CHST9: variants seen among roughly 807,000 people sequenced by gnomAD.
The protein encoded by CHST9 is GalNAc-4-sulfotransferase 2.
Under a neutral mutation model 44.4 loss-of-function variants are expected in CHST9, and 41 were observed. The observed-to-expected ratio is 0.92, with a 90% confidence interval of 0.72 to 1.20. The LOEUF is 1.20. CHST9 is among the 50% of genes most tolerant of loss of function. CHST9 has a pLI of 0.00. For synonymous variants in CHST9, 171 were observed against 178.4 expected (o/e 0.96, Z 0.33); for missense variants, 504 against 516.5 (o/e 0.98, Z 0.23).
chr18:27,160,692 C>G (rs954624198), intron 1 of CHST9, among the ~76,000 whole-genome samples: 11 of 152,164 alleles, frequency 7.2e-5, no homozygotes, highest in African/African-American at 2.7e-4. Context: ...ATGGTACGAG[C>G]TCCTCCTTGT....
intron 3 of CHST9, among the ~76,000 whole-genome samples, chr18:27,028,284 T>A (rs1211047704): frequency 6.6e-6 from 1 of 152,178 alleles, no homozygotes; most frequent in Non-Finnish European, 1.5e-5. Context: ...GAAATAGCAG[T>A]TCTCTTCTAC....
Position 26,909,159 on chromosome 18 carries a change from T to G in CHST9, c.*7100A>C, listed in dbSNP as rs1386833644. ...CTTGGCAGACTTCGGACGCCAAGTT[T>G]CTGCTTCAGTGCTGGTCAAAATCCC... On this transcript the variant is annotated 3_prime_UTR_variant, in exon 6 of 6. Transcript: ENST00000618847. 2 of 152,266 alleles carry G rather than the reference T, an allele frequency of 1.3e-5. No homozygotes were observed. The highest frequency in any genetic ancestry group is 4.8e-5 in the African/African-American group (2 of 41,474). The allele number at this position is 152,266 out of a possible 1,614,324, so 9.4% of individuals were successfully genotyped here. A position where few individuals can be genotyped will look rare whatever the true frequency, so the allele number is the denominator to read the frequency against.
intron 2 of CHST9, among the ~76,000 whole-genome samples, chr18:27,101,574 C>T (rs1191050388): frequency 1.3e-5 from 2 of 151,716 alleles, no homozygotes; most frequent in Non-Finnish European, 2.9e-5. Flanking sequence ...TGCGCCACTG[C>T]AGTCCGGCCT....
chr18:27,163,914 G>A (rs946112796), intron 1 of CHST9, among the ~76,000 whole-genome samples: 1 of 152,146 alleles, frequency 6.6e-6, no homozygotes, highest in Non-Finnish European at 1.5e-5. Flanking sequence ...CTCATGCTGG[G>A]AGCTGTAGAC....
At chr18:26,943,946 C>T (rs141073707) in intron 5 of CHST9, among the ~76,000 whole-genome samples, 23 of 152,112 alleles carry the variant, frequency 1.5e-4, no homozygotes, top group African/African-American at 3.9e-4. Context: ...GCTGATTGAA[C>T]GAAAACCTGA....
At chr18:27,120,153 A>G (rs2143806357) in intron 2 of CHST9, among the ~76,000 whole-genome samples, 1 of 152,300 alleles carries the variant, frequency 6.6e-6, no homozygotes, top group African/African-American at 2.4e-5. Context: ...CCAATGATGA[A>G]ACCGTGCATT....
intron 1 of CHST9, among the ~76,000 whole-genome samples, chr18:27,170,143 T>A (rs978530541): frequency 2.0e-5 from 3 of 152,166 alleles, no homozygotes; most frequent in African/African-American, 7.2e-5. Context: ...AATGCTAAAT[T>A]CCCTTTTATT....
intron 4 of CHST9, among the ~76,000 whole-genome samples, chr18:26,945,868 A>G (rs1298808446): frequency 2.6e-5 from 4 of 152,228 alleles, no homozygotes; most frequent in Middle Eastern, 3.2e-3. Flanking sequence ...AGATGTCCCA[A>G]GTGAAACTTA....
At chr18:27,000,649 T>TATCTATC (rs1391199695) in intron 4 of CHST9, among the ~76,000 whole-genome samples, 55 of 151,594 alleles carry the variant, frequency 3.6e-4, no homozygotes, top group Non-Finnish European at 6.2e-4. Flanking sequence ...TCTATCTATC[T>TATCTATC]ATCTATCTCT....
intron 4 of CHST9, among the ~76,000 whole-genome samples, chr18:26,994,182 CATATACATTTT>C (rs1225918984): frequency 6.6e-6 from 1 of 152,198 alleles, no homozygotes; most frequent in African/African-American, 2.4e-5. Flanking sequence ...AGGAATTCAA[CATATACATTTT>C]GAGGGCACAC....
chr18:27,047,440 A>C (rs1002857313), intron 3 of CHST9, among the ~76,000 whole-genome samples: 2 of 144,126 alleles, frequency 1.4e-5, no homozygotes, highest in Non-Finnish European at 3.1e-5. Context: ...AGGCTTTAAA[A>C]GGTTCCCAGA....
chr18:27,055,664 A>T (rs1195931474), intron 2 of CHST9, among the ~76,000 whole-genome samples: 2 of 152,222 alleles, frequency 1.3e-5, no homozygotes, highest in African/African-American at 4.8e-5. Flanking sequence ...TTTCAAAATT[A>T]GTGCTGTCTT....
chr18:27,066,787 T>C (rs1279479272), intron 2 of CHST9, among the ~76,000 whole-genome samples: 1 of 152,216 alleles, frequency 6.6e-6, no homozygotes, highest in Non-Finnish European at 1.5e-5. Context: ...TTTTAACTTC[T>C]TACATGTATT....
At position 27,099,629 on chromosome 18, in the gene CHST9, CA is replaced by C. The variant is rs547862886; in HGVS notation, c.121+43059del. 1.6e-4 allele frequency among the ~76,000 whole-genome samples: 25 copies of C among 152,162 alleles called. No homozygotes were observed. In the South Asian group the frequency reaches 4.4e-3, roughly 27 times the overall value. ...TGAGAAAATGTTCCACATCATCAAT[CA>C]CAAGAGAAATGCAAATCAAAACCAT... is the stretch of plus-strand genomic sequence containing the variant. On this transcript the variant is annotated intron_variant, in intron 2 of 5. Coordinates refer to ENST00000618847, the MANE Select transcript of CHST9 (RefSeq NM_031422.6).
intron 4 of CHST9, among the ~76,000 whole-genome samples, chr18:26,959,901 A>G (rs141450305): frequency 2.4e-3 from 364 of 152,026 alleles, no homozygotes; most frequent in Middle Eastern, 3.4e-3. Flanking sequence ...AGTGTAGATG[A>G]ATGTAGGGCA....
chr18:27,078,755 A>C (rs1296029023), intron 2 of CHST9, among the ~76,000 whole-genome samples: 1 of 152,158 alleles, frequency 6.6e-6, no homozygotes, highest in Non-Finnish European at 1.5e-5. Context: ...AGGGTGGCAG[A>C]GCGTGGCCTT....
intron 1 of CHST9, among the ~76,000 whole-genome samples, chr18:27,164,652 A>G (rs1159340850): frequency 3.3e-5 from 5 of 152,208 alleles, no homozygotes; most frequent in Non-Finnish European, 5.9e-5. Context: ...AAATAAATAC[A>G]CTATGGGACA....
At chr18:27,087,717 CCTT>C (rs2058026433) in intron 2 of CHST9, among the ~76,000 whole-genome samples, 1 of 152,168 alleles carries the variant, frequency 6.6e-6, no homozygotes, top group South Asian at 2.1e-4. Context: ...TATCTAATAA[CCTT>C]ATTAGCTAAC....
intron 1 of CHST9, among the ~76,000 whole-genome samples, chr18:27,180,655 A>G (rs1380813928): frequency 6.6e-6 from 1 of 152,152 alleles, no homozygotes; most frequent in East Asian, 1.9e-4. Context: ...CCAGGTTTCT[A>G]GTTTCTGCTC....
Sources: gnomAD v4.1 joint callset for allele counts (sites outside exome capture counted in the v4.1 genomes callset) on GRCh38, gnomAD v4.1.1 for gene constraint, MANE v1.5 for transcripts, NCBI Gene and HGNC (gene_info 2026-07-23, HGNC 2026-07-21) for gene names.